The following RGSL1 variants were observed in gnomAD, a reference collection of about 807,000 sequenced individuals.
RGSL1 encodes the protein regulator of G protein signaling like 1.
RGSL1 carries 97 observed loss-of-function variants against 124.7 expected under a neutral mutation model. The ratio of observed to expected loss-of-function variants is 0.78; its 90% CI spans 0.66 to 0.92. The LOEUF (loss-of-function observed/expected upper bound fraction) is 0.92, where lower values mean the gene tolerates loss of function less well. Among genes scored for constraint, RGSL1 ranks in the 40% least tolerant of loss-of-function variants. RGSL1 has a pLI of 0.00. For missense variants in RGSL1, 1,233 were observed against 1,288.4 expected (o/e 0.96, Z 0.66); for synonymous variants, 424 against 438.1 (o/e 0.97, Z 0.40).
intron 15 of RGSL1, among the ~76,000 whole-genome samples, chr1:182,547,881 G>A (rs1273339532): frequency 6.6e-6 from 1 of 152,092 alleles, no homozygotes; most frequent in Admixed American, 6.6e-5. Flanking sequence ...TGTTCTACTG[G>A]CTTCCCATTA....
Position 182,496,032 on chromosome 1 carries a change from G to A in RGSL1, c.1825+2903G>A, listed in dbSNP as rs572241167. 6.7e-4 allele frequency among the ~76,000 whole-genome samples: 102 copies of A among 152,284 alleles called. 2 individuals carry two copies. Among genetic ancestry groups the A allele is most frequent in the Middle Eastern group, 3.4e-3 (1 of 294 alleles). On this transcript the variant is annotated intron_variant, in intron 9 of 21. Transcript: ENST00000294854. The stretch of plus-strand genomic sequence containing the variant: ...GAGGTTGGGTAATTTATAAAGAAAA[G>A]ATATTTAATTTGGCTCATGGTTCCA...
chr1:182,556,740 ATAAAAAAACTT>A (rs1164854764), intron 21 of RGSL1, among the ~76,000 whole-genome samples: 3 of 152,210 alleles, frequency 2.0e-5, no homozygotes, highest in African/African-American at 7.2e-5. Flanking sequence ...CAACTAGTGG[ATAAAAAAACTT>A]TAAGGTTTTT....
chr1:182,448,492 G>C (rs1651608288), upstream of RGSL1: 1 of 152,078 alleles, frequency 6.6e-6, no homozygotes, highest in Non-Finnish European at 1.5e-5. Context: ...CCAAAGTGCT[G>C]GGATTACAGA....
intron 10 of RGSL1, among the ~76,000 whole-genome samples, chr1:182,526,181 T>A (rs1658727535): frequency 6.6e-6 from 1 of 152,312 alleles, no homozygotes; most frequent in African/African-American, 2.4e-5. Context: ...ATGTCAATAT[T>A]CCATGAACTC....
rs61238909 is a variant in RGSL1 at position 182,556,450 on chromosome 1, T to A, written c.*165+228T>A. Among the ~76,000 whole-genome samples the A allele has an allele frequency of 1.6e-3, 247 of 152,298 alleles. 5 individuals carry two copies. The highest frequency in any genetic ancestry group is 5.3e-3 in the African/African-American group (220 of 41,566). On this transcript the variant is annotated intron_variant, in intron 21 of 21. Coordinates refer to ENST00000294854, the MANE Select transcript of RGSL1 (RefSeq NM_001137669.2). ...CAGATGGTGTCTTTTAATGGTAGGA[T>A]CTCTCATTTAGACAATGACTCACAC...
In RGSL1 at chr1:182,540,287, A is replaced by C. The variant is rs934520159; in HGVS notation, c.2535A>C (p.Pro845=). The C allele has an allele frequency of 6.4e-7, 1 of 1,551,360 alleles. No individual in the cohort carries two copies. Among genetic ancestry groups the C allele is most frequent in the African/African-American group, 1.4e-5 (1 of 73,122 alleles). Reference sequence around the variant, plus strand: ...ACAACACATCGGGACGTTCAGCTCCACCCTCCACAAATGTCCGGAGTGCAG... The same window carrying C: ...ACAACACATCGGGACGTTCAGCTCCCCCCTCCACAAATGTCCGGAGTGCAG... ...TAHNTSGRSA[P]PSTNVRSADQ... Residue 845 remains proline (P), a synonymous_variant, in exon 15 of 22, where the codon CCA becomes CCC. Transcript: ENST00000294854.
chr1:182,448,634 C>T (rs78719678), upstream of RGSL1, among the ~76,000 whole-genome samples: 1,657 of 152,192 alleles, frequency 0.011, 29 homozygotes, highest in African/African-American at 0.038. Flanking sequence ...GGGACGGTCC[C>T]GGCAATTTAG....
chr1:182,493,198 C>A, intron 9 of RGSL1, 69 bp downstream of exon 9: 1 of 1,098,728 alleles, frequency 9.1e-7, no homozygotes, highest in Non-Finnish European at 1.3e-6. Flanking sequence ...AATCTGTAAT[C>A]TTGTGTTCTT....
At chr1:182,514,082 AG>A (rs34913282) in intron 9 of RGSL1, among the ~76,000 whole-genome samples, 91,580 of 151,608 alleles carry the variant, frequency 0.6, 28,611 homozygotes, top group Non-Finnish European at 0.69. Flanking sequence ...TTGGAGAGAT[AG>A]GGTTTCACCA....
At chr1:182,514,387 C>T (rs756580351) in intron 9 of RGSL1, among the ~76,000 whole-genome samples, 7 of 152,128 alleles carry the variant, frequency 4.6e-5, no homozygotes, top group African/African-American at 7.2e-5. Context: ...GGATAAAGTT[C>T]GCCCCCTTCC....
chr1:182,533,743 G>A (rs920887666), intron 14 of RGSL1, among the ~76,000 whole-genome samples: 1 of 152,156 alleles, frequency 6.6e-6, no homozygotes, highest in Non-Finnish European at 1.5e-5. Flanking sequence ...GCTATAAGAG[G>A]GTTAGCTAGT....
intron 9 of RGSL1, among the ~76,000 whole-genome samples, chr1:182,513,684 AG>A (rs1374106256): frequency 6.6e-6 from 1 of 152,134 alleles, no homozygotes; most frequent in African/African-American, 2.4e-5. Context: ...TAAAAGACCA[AG>A]GCAACCACTT....
intron 4 of RGSL1, among the ~76,000 whole-genome samples, chr1:182,464,854 G>A (rs143313692): frequency 6.6e-6 from 1 of 151,958 alleles, no homozygotes; most frequent in African/African-American, 2.4e-5. Flanking sequence ...TACAAAGCTA[G>A]GATGAGAGGA....
intron 4 of RGSL1, among the ~76,000 whole-genome samples, chr1:182,469,768 T>G (rs1378769236): frequency 1.3e-5 from 2 of 152,160 alleles, no homozygotes; most frequent in South Asian, 2.1e-4. Flanking sequence ...CATCAATGGA[T>G]GAATGGATAA....
intron 8 of RGSL1, among the ~76,000 whole-genome samples, chr1:182,489,730 T>C (rs551313888): frequency 6.6e-6 from 1 of 152,356 alleles, no homozygotes; most frequent in South Asian, 2.1e-4. Context: ...CGTGCTCTCC[T>C]ATTCACTTGT....
chr1:182,448,763 A>T (rs1214254977), upstream of RGSL1, among the ~76,000 whole-genome samples: 3 of 152,148 alleles, frequency 2.0e-5, no homozygotes, highest in Non-Finnish European at 4.4e-5. Context: ...TCTAACCATT[A>T]TGCATTTCAA....
At chr1:182,527,505 C>G in intron 10 of RGSL1, 74 bp from the exon 11 acceptor site, 1 of 1,298,208 alleles carries the variant, frequency 7.7e-7, no homozygotes, top group Non-Finnish European at 1.1e-6. Context: ...ATGCACTTCC[C>G]CATTTCCTAA....
At chr1:182,518,327 G>A (rs1658055833) in intron 9 of RGSL1, among the ~76,000 whole-genome samples, 1 of 152,170 alleles carries the variant, frequency 6.6e-6, no homozygotes, top group South Asian at 2.1e-4. Context: ...GTAAAGGATT[G>A]GAGCACTGCT....
intron 4 of RGSL1, among the ~76,000 whole-genome samples, chr1:182,462,438 C>T (rs940785319): frequency 1.3e-5 from 2 of 152,054 alleles, no homozygotes; most frequent in Non-Finnish European, 2.9e-5. Flanking sequence ...ATAATACTAA[C>T]ATCATAAAAT....
Sources: allele counts gnomAD v4.1 joint callset (sites outside exome capture counted in the v4.1 genomes callset), GRCh38; gene constraint gnomAD v4.1.1; transcripts MANE v1.5; gene names NCBI Gene and HGNC (gene_info 2026-07-23, HGNC 2026-07-21).